The following ZC3H13 variants were observed in gnomAD, a reference collection of about 807,000 sequenced individuals.
ZC3H13 encodes the protein zinc finger CCCH domain-containing protein 13.
ZC3H13 carries 64 observed loss-of-function variants against 204.1 expected under a neutral mutation model. That is an observed-to-expected ratio of 0.31 (90% confidence interval 0.26 to 0.39). The LOEUF (loss-of-function observed/expected upper bound fraction) is 0.39, where lower values mean the gene tolerates loss of function less well. Ranked by LOEUF, ZC3H13 falls within the 10% of genes least tolerant of loss-of-function variation. The pLI is 1.00. For synonymous variants in ZC3H13, 667 were observed against 693.7 expected (o/e 0.96, Z 0.60); for missense variants, 1,833 against 2,082.7 (o/e 0.88, Z 2.33).
At chr13:46,027,157 G>C (rs1483228630) in intron 4 of ZC3H13, among the ~76,000 whole-genome samples, 1 of 152,072 alleles carries the variant, frequency 6.6e-6, no homozygotes, top group Non-Finnish European at 1.5e-5. Context: ...CCAGGCTGCA[G>C]CACAGTGCGC....
chr13:46,000,487 A>G (rs774644404), intron 8 of ZC3H13, among the ~76,000 whole-genome samples: 1 of 152,202 alleles, frequency 6.6e-6, no homozygotes, highest in Non-Finnish European at 1.5e-5. Context: ...GCTAACTTCA[A>G]ACTTTTTTCC....
rs769658111 is a variant in ZC3H13 at position 46,010,324 on chromosome 13, G to A, written c.746+24C>T. The A allele has an allele frequency of 8.6e-6, 13 of 1,515,446 alleles. No individual in the cohort carries two copies. In the Admixed American group the frequency reaches 9.3e-5, roughly 11 times the overall value. The allele number at this position is 1,515,446 out of a possible 1,614,324, so 93.9% of individuals were successfully genotyped here. On this transcript the variant is annotated intron_variant, in intron 7 of 18. Coordinates refer to ENST00000679008, the MANE Select transcript of ZC3H13 (RefSeq NM_001330564.2). ...TCACTTCAGAAAAAGCTATTTTCTCGATACTATTTATCACCCTACTGACCT... is the reference window on the plus strand; with the variant it reads ...TCACTTCAGAAAAAGCTATTTTCTCAATACTATTTATCACCCTACTGACCT...
intron 18 of ZC3H13, among the ~76,000 whole-genome samples, 156 bp from the exon 19 acceptor site, chr13:45,957,453 ATG>A (rs1951341254): frequency 6.6e-6 from 1 of 152,196 alleles, no homozygotes; most frequent in Non-Finnish European, 1.5e-5. Context: ...AAATTAGAAA[ATG>A]TGTTTGGGCT....
chr13:45,957,072 G>A lies in ZC3H13; in HGVS notation c.*55C>T. On this transcript the variant is annotated 3_prime_UTR_variant, in exon 19 of 19. Coordinates refer to ENST00000679008, the MANE Select transcript of ZC3H13 (RefSeq NM_001330564.2). ...TGTCAAACCAAAGAACTTTGCAAAA[G>A]AATATGCACTGCTGAAGGAAGACAG... 7.6e-7 allele frequency: 1 copy of A among 1,308,920 alleles called. No homozygotes were observed. Among genetic ancestry groups the A allele is most frequent in the Non-Finnish European group, 9.9e-7 (1 of 1,013,762 alleles). 81.1% of individuals were successfully genotyped at this position (1,308,920 alleles called of 1,614,324 possible).
At chr13:45,997,530 G>C (rs1055488182) in intron 8 of ZC3H13, among the ~76,000 whole-genome samples, 1 of 152,096 alleles carries the variant, frequency 6.6e-6, no homozygotes, top group African/African-American at 2.4e-5. Context: ...GTGGACTTCG[G>C]GTTAGAAGCA....
Position 45,969,625 on chromosome 13 carries a change from A to C in ZC3H13, c.2919T>G (p.Asp973Glu). The change falls in exon 14 of 19, where the codon GAT becomes GAG. Residue 973 changes from aspartate to glutamate, a missense_variant. By Grantham distance (45) the Asp-to-Glu change is conservative. Transcript: ENST00000679008. The stretch of plus-strand genomic sequence containing the variant: ...TGTTACCCCTCTCTATTCCAACATC[A>C]TCCTCTTTCTTTTTCTTAATTGGTT... Reference protein sequence around the residue: ...QKKPIKKKKEDDVGIERGNIE... With the variant: ...QKKPIKKKKEEDVGIERGNIE... 1 of 1,609,416 alleles carries C rather than the reference A, an allele frequency of 6.2e-7. No homozygotes were observed. The highest frequency in any genetic ancestry group is 1.3e-5 in the African/African-American group (1 of 74,274).
At chr13:45,981,997 A>G (rs1006412392) in intron 10 of ZC3H13, among the ~76,000 whole-genome samples, 1 of 151,640 alleles carries the variant, frequency 6.6e-6, no homozygotes, top group Admixed American at 6.6e-5. Flanking sequence ...GTGCACATGT[A>G]CCCTAAAACT....
At chr13:46,002,134 C>T (rs994151573) in intron 8 of ZC3H13, among the ~76,000 whole-genome samples, 5 of 151,976 alleles carry the variant, frequency 3.3e-5, no homozygotes, top group Non-Finnish European at 5.9e-5. Flanking sequence ...TACAAATGGC[C>T]GACAAGCACA....
intron 15 of ZC3H13, among the ~76,000 whole-genome samples, chr13:45,966,250 A>AT (rs1952075804): frequency 1.3e-5 from 2 of 152,132 alleles, no homozygotes. Context: ...AAATGTAACC[A>AT]TATGCTTTAT....
In ZC3H13 at chr13:45,969,423, C is replaced by G. The variant is rs1952387551; in HGVS notation, c.3121G>C (p.Glu1041Gln). 6.2e-7 allele frequency: 1 copy of G among 1,614,038 alleles called. No individual in the cohort carries two copies. Among genetic ancestry groups the G allele is most frequent in the Non-Finnish European group, 8.5e-7 (1 of 1,179,960 alleles). ...PRTPPITTKE[E>Q]LVEMCNGKNG... ...TTACCATTGCACATTTCAACCAATTCCTCTTTAGTTGTTATAGGGGGAGTC... is the reference window on the plus strand; with the variant it reads ...TTACCATTGCACATTTCAACCAATTGCTCTTTAGTTGTTATAGGGGGAGTC... The change falls in exon 14 of 19, where the codon GAA becomes CAA. Residue 1041 changes from glutamate to glutamine, a missense_variant. Transcript: ENST00000679008.
rs1198428045 is a variant in ZC3H13, at chr13:45,955,157, TG to T, written c.*1969del. The T allele has an allele frequency of 6.6e-6, 1 of 152,226 alleles. No homozygotes were observed. The highest frequency in any genetic ancestry group is 1.5e-5 in the Non-Finnish European group (1 of 68,028). The allele number at this position is 152,226 out of a possible 1,614,324, so 9.4% of individuals were successfully genotyped here. A position where few individuals can be genotyped will look rare whatever the true frequency, so the allele number is the denominator to read the frequency against. On this transcript the variant is annotated 3_prime_UTR_variant, in exon 19 of 19. Coordinates refer to ENST00000679008, the MANE Select transcript of ZC3H13 (RefSeq NM_001330564.2). The stretch of plus-strand genomic sequence containing the variant: ...TTGTACTAGCAAACAATTTATAGAC[TG>T]GAAGATTGTTTTTCGGGAATACCAG...
chr13:46,003,133 A>G lies in ZC3H13; in HGVS notation c.944+6T>C, dbSNP rs369455835. On this transcript the variant is annotated splice_donor_region_variant and intron_variant, in intron 8 of 18. Coordinates refer to ENST00000679008, the MANE Select transcript of ZC3H13 (RefSeq NM_001330564.2). ...AATATTGTTAAAAACATACAATCCTACTTACCTTGGCTTGTCTCTCTTTTC... is the reference window on the plus strand; with the variant it reads ...AATATTGTTAAAAACATACAATCCTGCTTACCTTGGCTTGTCTCTCTTTTC... 2.5e-6 allele frequency: 4 copies of G among 1,607,834 alleles called. No homozygotes were observed. Among genetic ancestry groups the G allele is most frequent in the Non-Finnish European group, 3.4e-6 (4 of 1,178,882 alleles).
At position 45,956,008 on chromosome 13, in the gene ZC3H13, C is replaced by T. The variant is rs1397172421; in HGVS notation, c.*1119G>A. On this transcript the variant is annotated 3_prime_UTR_variant, in exon 19 of 19. Coordinates refer to ENST00000679008, the MANE Select transcript of ZC3H13 (RefSeq NM_001330564.2). ...TATTATCACTACTACTGTCTGCTCA[C>T]AAATTCTGTGGCCAGAGTCCATTTC... is the stretch of plus-strand genomic sequence containing the variant. 6.6e-6 allele frequency: 1 copy of T among 152,100 alleles called. No homozygotes were observed. Among genetic ancestry groups the T allele is most frequent in the Non-Finnish European group, 1.5e-5 (1 of 67,968 alleles). The allele number at this position is 152,100 out of a possible 1,614,324, so 9.4% of individuals were successfully genotyped here. A position where few individuals can be genotyped will look rare whatever the true frequency, so the allele number is the denominator to read the frequency against.
rs1249952080 is a variant in ZC3H13, at chr13:45,979,851, C to G, written c.1874G>C (p.Arg625Thr). 6.2e-7 allele frequency: 1 copy of G among 1,602,630 alleles called. No individual in the cohort carries two copies. Among genetic ancestry groups the G allele is most frequent in the East Asian group, 2.3e-5 (1 of 43,850 alleles). The change falls in exon 11 of 19, where the codon AGA becomes ACA. Residue 625 changes from arginine to threonine, a missense_variant. Physicochemically the swap from Arg to Thr is moderately conservative, Grantham distance 71. Around this residue, in one of 5 missense-constraint regions of ZC3H13, gnomAD observed 1,574 missense variants for 1,757.2 expected, o/e 0.90. Coordinates refer to ENST00000679008, the MANE Select transcript of ZC3H13 (RefSeq NM_001330564.2). ...GTCACGACGGTCTCGCTCTCCATGT[C>G]TTCTCTCAAAGGAAGAATCCCTTGC... ...DQARDSSFERRHGERDRRDNR... is the reference protein window; with the variant it reads ...DQARDSSFERTHGERDRRDNR...
At chr13:46,037,948 C>T (rs566704866) in intron 4 of ZC3H13, among the ~76,000 whole-genome samples, 1 of 152,270 alleles carries the variant, frequency 6.6e-6, no homozygotes, top group East Asian at 1.9e-4. Flanking sequence ...ATTCAGACTA[C>T]CCACATTTGA....
chr13:45,992,514 G>A (rs1178570260), intron 8 of ZC3H13, among the ~76,000 whole-genome samples: 1 of 152,148 alleles, frequency 6.6e-6, no homozygotes, highest in Non-Finnish European at 1.5e-5. Context: ...TTTATGCCTA[G>A]TGTTCCATTA....
At position 45,969,980 on chromosome 13, in the gene ZC3H13, A is replaced by G; in HGVS notation, c.2573-9T>C. ...GAGTCTGTGTTTTTCATCTATATAA[A>G]AGATAAAAGCAATCACACTCTCACC... On this transcript the variant is annotated splice_polypyrimidine_tract_variant and intron_variant, in intron 13 of 18. Coordinates refer to ENST00000679008, the MANE Select transcript of ZC3H13 (RefSeq NM_001330564.2). 2.5e-6 allele frequency: 4 copies of G among 1,594,436 alleles called. No individual in the cohort carries two copies. Among genetic ancestry groups the G allele is most frequent in the Non-Finnish European group, 3.4e-6 (4 of 1,173,808 alleles).
At chr13:45,976,544 TGAA>T (rs1953063912) in intron 11 of ZC3H13, among the ~76,000 whole-genome samples, 1 of 152,220 alleles carries the variant, frequency 6.6e-6, no homozygotes, top group African/African-American at 2.4e-5. Flanking sequence ...ATTACTCAGA[TGAA>T]GAGCTGTTTT....
At chr13:46,021,119 T>G (rs2042194860) in intron 4 of ZC3H13, among the ~76,000 whole-genome samples, 1 of 151,944 alleles carries the variant, frequency 6.6e-6, no homozygotes, top group Non-Finnish European at 1.5e-5. Flanking sequence ...CAAGGATAAA[T>G]CCAAACTCAT....
Sources: gnomAD v4.1 joint callset for allele counts (sites outside exome capture counted in the v4.1 genomes callset) on GRCh38, gnomAD v4.1.1 for gene constraint, gnomAD v4.1.1 regional missense constraint, MANE v1.5 for transcripts, NCBI Gene and HGNC (gene_info 2026-07-23, HGNC 2026-07-21) for gene names.